Variants in HTT observed in about 807,000 individuals in gnomAD.
HTT encodes the protein huntingtin.
Under a neutral mutation model 362.3 loss-of-function variants are expected in HTT, and 104 were observed. The ratio of observed to expected loss-of-function variants is 0.29; its 90% CI spans 0.24 to 0.34. The LOEUF (loss-of-function observed/expected upper bound fraction) is 0.34, where lower values mean the gene tolerates loss of function less well. HTT is among the 10% of genes least tolerant of loss of function. The pLI is 1.00. For synonymous variants in HTT, 1,577 were observed against 1,548.7 expected (o/e 1.02, Z -0.43); for missense variants, 3,301 against 3,928.6 (o/e 0.84, Z 4.27).
In HTT at chr4:3,130,314, A is replaced by G; in HGVS notation, c.1877A>G (p.Gln626Arg). The G allele has an allele frequency of 6.4e-7, 1 of 1,574,574 alleles. No individual in the cohort carries two copies. Among genetic ancestry groups the G allele is most frequent in the Non-Finnish European group, 8.6e-7 (1 of 1,156,486 alleles). Residue 626 changes from glutamine (Q) to arginine (R), a missense_variant, in exon 14 of 67, where the codon CAG (glutamine) becomes CGG (arginine). Gln to Arg is a conservative substitution (Grantham distance 43). Coordinates refer to ENST00000355072, the MANE Select transcript of HTT (RefSeq NM_001388492.1). ...AFRNSSMALQ[Q>R]AHLLKNMSHC... Reference sequence around the variant, plus strand: ...TTCTCTGTTTTTAAAGCCCTTCAACAGGCACATTTATTGAAAAACATGAGT... The same window carrying G: ...TTCTCTGTTTTTAAAGCCCTTCAACGGGCACATTTATTGAAAAACATGAGT...
Position 3,121,299 on chromosome 4 carries a change from G to A in HTT, c.1140G>A (p.Leu380=). 6.2e-7 allele frequency: 1 copy of A among 1,614,160 alleles called. No homozygotes were observed. The highest frequency in any genetic ancestry group is 1.7e-5 in the Admixed American group (1 of 60,028). ...TTGTGACCGGAGCCCTGGAGCTGTT[G>A]CAGCAGCTCTTCAGAACGCCTCCAC... is the stretch of plus-strand genomic sequence containing the variant. ...HNVVTGALEL[L]QQLFRTPPPE... Residue 380 remains leucine (L), a synonymous_variant, in exon 9 of 67, where the codon TTG becomes TTA. Transcript: ENST00000355072.
rs138177254 is a variant in HTT at position 3,181,497 on chromosome 4, ATC to A, written c.4750-851_4750-850del. Among the ~76,000 whole-genome samples the A allele has an allele frequency of 3.1e-3, 479 of 152,198 alleles. 2 individuals carry two copies. The highest frequency in any genetic ancestry group is 5.6e-3 in the Non-Finnish European group (381 of 68,002). On this transcript the variant is annotated intron_variant, in intron 36 of 66. Coordinates refer to ENST00000355072, the MANE Select transcript of HTT (RefSeq NM_001388492.1). The stretch of plus-strand genomic sequence containing the variant: ...ATTTTGAGGAAGGCTGAGTGCAGAA[ATC>A]TCTCTTTTTAAATGACTTCTCCTTT...
intron 36 of HTT, among the ~76,000 whole-genome samples, 162 bp from the exon 37 acceptor site, chr4:3,182,192 T>C (rs568707859): frequency 6.6e-6 from 1 of 152,320 alleles, no homozygotes; most frequent in Non-Finnish European, 1.5e-5. Flanking sequence ...TCTCATGTCA[T>C]AGAGTGGGGG....
intron 25 of HTT, among the ~76,000 whole-genome samples, chr4:3,147,652 C>G (rs1448341916): frequency 5.9e-5 from 9 of 152,110 alleles, no homozygotes; most frequent in Admixed American, 5.9e-4. Context: ...AATGTTGATG[C>G]TAAGGCAAGA....
intron 27 of HTT, among the ~76,000 whole-genome samples, chr4:3,155,066 G>A (rs932482718): frequency 1.3e-5 from 2 of 152,002 alleles, no homozygotes; most frequent in Non-Finnish European, 2.9e-5. Flanking sequence ...GACTGCTGCT[G>A]CCTCTGCTAT....
Position 3,138,521 on chromosome 4 carries a change from GTGATTGTGCC to G in HTT, c.2799-1983_2799-1974del, listed in dbSNP as rs1241372227. 2.0e-5 allele frequency among the ~76,000 whole-genome samples: 3 copies of G among 152,134 alleles called. No homozygotes were observed. The East Asian group carries it at 5.8e-4, about 29-fold the overall frequency. On this transcript the variant is annotated intron_variant, in intron 21 of 66. Coordinates refer to ENST00000355072, the MANE Select transcript of HTT (RefSeq NM_001388492.1). ...CAAAGTATACTCCCACTACCAGAAT[GTGATTGTGCC>G]TGATTCTTCTCACCAGTACAAATAT... is the stretch of plus-strand genomic sequence containing the variant.
At chr4:3,109,055 T>TA (rs775688422) in intron 6 of HTT, among the ~76,000 whole-genome samples, 3,708 of 125,426 alleles carry the variant, frequency 0.03, 63 homozygotes, top group Middle Eastern at 0.034. Flanking sequence ...TGCCATTTCT[T>TA]AAAAAAAAAA....
At chr4:3,195,267 C>G (rs1251608757) in intron 40 of HTT, among the ~76,000 whole-genome samples, 1 of 152,194 alleles carries the variant, frequency 6.6e-6, no homozygotes, top group Non-Finnish European at 1.5e-5. Context: ...CACATCCTGC[C>G]TGTTTTGAAA....
intron 51 of HTT, among the ~76,000 whole-genome samples, chr4:3,216,657 T>C (rs977684971): frequency 6.6e-6 from 1 of 152,222 alleles, no homozygotes; most frequent in African/African-American, 2.4e-5. Context: ...CATGGCCCTC[T>C]TTAGGCAAGA....
chr4:3,157,515 G>A (rs971887420), intron 28 of HTT, among the ~76,000 whole-genome samples: 13 of 152,144 alleles, frequency 8.5e-5, no homozygotes, highest in Non-Finnish European at 1.5e-4. Flanking sequence ...CTTCCCTCCC[G>A]TGAGGCTCAC....
chr4:3,088,791 T>A (rs1578487783), intron 2 of HTT, among the ~76,000 whole-genome samples: 1 of 152,216 alleles, frequency 6.6e-6, no homozygotes, highest in South Asian at 2.1e-4. Context: ...ATTTGTATTA[T>A]ATACTTTCAA....
chr4:3,222,927 CTG>C (rs1297638031), intron 54 of HTT, among the ~76,000 whole-genome samples: 3 of 152,170 alleles, frequency 2.0e-5, no homozygotes, highest in African/African-American at 4.8e-5. Context: ...TTAATAATAA[CTG>C]TGCTCTGGTA....
chr4:3,232,893 C>T (rs74910185), intron 60 of HTT, among the ~76,000 whole-genome samples: 405 of 152,320 alleles, frequency 2.7e-3, no homozygotes, highest in Non-Finnish European at 4.3e-3. Context: ...TCTGGACTCC[C>T]GGAGGGAAGG....
chr4:3,139,724 G>A (rs758569089), intron 21 of HTT, among the ~76,000 whole-genome samples: 1 of 152,110 alleles, frequency 6.6e-6, no homozygotes, highest in Non-Finnish European at 1.5e-5. Flanking sequence ...GTTAGGAATC[G>A]CAGCTTAAGC....
chr4:3,154,880 C>A (rs536319678), intron 27 of HTT, among the ~76,000 whole-genome samples: 2 of 152,338 alleles, frequency 1.3e-5, no homozygotes, highest in Middle Eastern at 3.4e-3. Flanking sequence ...ATAAAGTCAT[C>A]TGAGTTGGAG....
intron 57 of HTT, 104 bp downstream of exon 57, chr4:3,225,847 G>A (rs556909334): frequency 1.3e-6 from 1 of 755,076 alleles, no homozygotes; most frequent in East Asian, 2.9e-5. Context: ...TTAAATGAAA[G>A]GAAGTTTTCC....
At chr4:3,116,527 C>G (rs1358913024) in intron 8 of HTT, among the ~76,000 whole-genome samples, 1 of 152,138 alleles carries the variant, frequency 6.6e-6, no homozygotes, top group Non-Finnish European at 1.5e-5. Context: ...TTTCTAAAAC[C>G]AGAGGTCACG....
chr4:3,175,200 G>A, intron 33 of HTT, 93 bp downstream of exon 33: 1 of 1,192,536 alleles, frequency 8.4e-7, no homozygotes. Flanking sequence ...AAGAAATGTG[G>A]TCTGCATGTT....
At chr4:3,135,850 A>C in intron 19 of HTT, 54 bp from the exon 20 acceptor site, 1 of 1,419,596 alleles carries the variant, frequency 7.0e-7, no homozygotes, top group Non-Finnish European at 9.7e-7. Context: ...AGCTGGCGGT[A>C]AGTGTTTACT....
Sources: allele counts gnomAD v4.1 joint callset (sites outside exome capture counted in the v4.1 genomes callset), GRCh38; gene constraint gnomAD v4.1.1; transcripts MANE v1.5; gene names NCBI Gene and HGNC (gene_info 2026-07-23, HGNC 2026-07-21).